Variants in RANBP3 observed in about 807,000 individuals in gnomAD.
RANBP3 encodes ran-binding protein 3.
Under a neutral mutation model 77.3 loss-of-function variants are expected in RANBP3, and 14 were observed. The observed-to-expected ratio is 0.18, with a 90% CI of 0.12 to 0.28. The LOEUF (loss-of-function observed/expected upper bound fraction) is 0.28. Ranked by LOEUF, RANBP3 falls within the 10% of genes least tolerant of loss-of-function variation. The pLI is 1.00. For synonymous variants in RANBP3, 315 were observed against 312.4 expected, an observed-to-expected ratio of 1.01 and a Z score of -0.09; for missense variants, 586 against 752.3, an observed-to-expected ratio of 0.78 and a Z score of 2.59.
intron 14 of RANBP3, among the ~76,000 whole-genome samples, chr19:5,919,049 C>T (rs575826948): frequency 3.7e-4 from 57 of 152,240 alleles, no homozygotes; most frequent in African/African-American, 1.3e-3. Flanking sequence ...AAGGTGCATG[C>T]GCTTTCTGTG....
At position 5,952,090 on chromosome 19, in the gene RANBP3, C is replaced by T. The variant is rs974718720; in HGVS notation, c.79-494G>A. 3.3e-5 allele frequency among the ~76,000 whole-genome samples: 5 copies of T among 151,652 alleles called. No individual in the cohort carries two copies. Among genetic ancestry groups the T allele is most frequent in the South Asian group, 2.1e-4 (1 of 4,826 alleles). ...GCCAGGGTCAAGGGCTTCTGCCTCT[C>T]GCCGGGGTCAAGGGCTTCTGCCTCT... On this transcript the variant is annotated intron_variant, in intron 2 of 16. Transcript: ENST00000340578. The surrounding 1 kb of genome is among the most constrained non-coding windows in gnomAD (Gnocchi z 4.1).
rs1461868837 is a variant in RANBP3, at chr19:5,944,160, A to C, written c.283-2325T>G. ...ATGCTCGTGACCCACACCTGATGAGATCAAACTCCCAACCGATGTAAAATC... is the reference window on the plus strand; with the variant it reads ...ATGCTCGTGACCCACACCTGATGAGCTCAAACTCCCAACCGATGTAAAATC... On this transcript the variant is annotated intron_variant, in intron 3 of 16. Transcript: ENST00000340578. 2.0e-5 allele frequency among the ~76,000 whole-genome samples: 3 copies of C among 152,208 alleles called. No individual in the cohort carries two copies. In the East Asian group the frequency reaches 5.8e-4, roughly 29 times the overall value.
In RANBP3 at chr19:5,928,066, C is replaced by T; in HGVS notation, c.715G>A (p.Glu239Lys). 11 of 1,612,296 alleles carry T rather than the reference C, an allele frequency of 6.8e-6. No homozygotes were observed. The highest frequency in any genetic ancestry group is 9.3e-6 in the Non-Finnish European group (11 of 1,179,488). Residue 239 changes from glutamate (E) to lysine (K), a missense_variant, in exon 9 of 17, where the codon GAG becomes AAG. Glu to Lys is a moderately conservative substitution (Grantham distance 56). This residue lies in a region of RANBP3 where 232 missense variants were observed against 271.7 expected (regional missense o/e 0.85). Transcript: ENST00000340578. Reference sequence around the variant, plus strand: ...TCCTCTTCAGAGGCATTGCTGGACTCATTTTTCTGGGGCTCTTTCTCCTAT... The same window carrying T: ...TCCTCTTCAGAGGCATTGCTGGACTTATTTTTCTGGGGCTCTTTCTCCTAT... The part of the protein sequence containing the change: ...ALEEKEPQKN[E>K]SSNASEEEAC...
intron 1 of RANBP3, among the ~76,000 whole-genome samples, chr19:5,977,471 A>T (rs1196999905): frequency 1.3e-5 from 2 of 151,296 alleles, no homozygotes; most frequent in East Asian, 3.9e-4. Context: ...TGAGGGGGAG[A>T]CGAAGCGCCC....
chr19:5,919,523 T>C (rs2057789775), intron 14 of RANBP3, among the ~76,000 whole-genome samples: 1 of 152,200 alleles, frequency 6.6e-6, no homozygotes, highest in African/African-American at 2.4e-5. Flanking sequence ...GCAGAGGGGA[T>C]GACCTGGGGG....
chr19:5,925,497 T>TGA, intron 10 of RANBP3, 137 bp downstream of exon 10: 1 of 716,548 alleles, frequency 1.4e-6, no homozygotes, highest in Admixed American at 2.3e-5. Flanking sequence ...GAGTGGGGAA[T>TGA]GAGAGAGAGG....
At chr19:5,953,006 T>A (rs921025245) in intron 2 of RANBP3, among the ~76,000 whole-genome samples, 2 of 152,184 alleles carry the variant, frequency 1.3e-5, no homozygotes, top group Non-Finnish European at 2.9e-5. Context: ...TTAGAACCAC[T>A]TGAATTTTTT....
intron 3 of RANBP3, among the ~76,000 whole-genome samples, chr19:5,948,317 T>A (rs1366524928): frequency 6.6e-6 from 1 of 152,048 alleles, no homozygotes; most frequent in Admixed American, 6.6e-5. Context: ...CTGGGCATGG[T>A]GGCGGGCGCC....
chr19:5,923,401 C>T (rs188476565), intron 12 of RANBP3, 98 bp from the exon 13 acceptor site: 23 of 1,238,038 alleles, frequency 1.9e-5, no homozygotes, highest in Non-Finnish European at 2.7e-5. Context: ...GTTCTGGTCT[C>T]AAGGACGCCT....
intron 5 of RANBP3, among the ~76,000 whole-genome samples, chr19:5,937,563 TG>T (rs2058082856): frequency 6.6e-6 from 1 of 152,192 alleles, no homozygotes; most frequent in South Asian, 2.1e-4. Context: ...GAAAGCTAAA[TG>T]GGGTCTTCAG....
rs550792866 is a variant in RANBP3, at chr19:5,919,450, A to G, written c.1331-812T>C. ...GCCGAGTGGGAGAAAGACAGAGGTG[A>G]TTTTGCTCTCCCTGAAGCTGGGGAG... is the stretch of plus-strand genomic sequence containing the variant. On this transcript the variant is annotated intron_variant, in intron 14 of 16. Coordinates refer to ENST00000340578, the MANE Select transcript of RANBP3 (RefSeq NM_007322.3). Among the ~76,000 whole-genome samples, 5 of 152,212 alleles carry G rather than the reference A, an allele frequency of 3.3e-5. No homozygotes were observed. The East Asian group carries it at 5.8e-4, about 18-fold the overall frequency.
intron 9 of RANBP3, among the ~76,000 whole-genome samples, chr19:5,926,222 A>T (rs2057907743): frequency 6.6e-6 from 1 of 152,140 alleles, no homozygotes; most frequent in Non-Finnish European, 1.5e-5. Flanking sequence ...CTGTTTGACC[A>T]ACAAGGAAGC....
intron 1 of RANBP3, among the ~76,000 whole-genome samples, chr19:5,967,296 C>A (rs1277947714): frequency 2.0e-5 from 3 of 152,208 alleles, no homozygotes; most frequent in South Asian, 2.1e-4. Flanking sequence ...CTTTTTGGAG[C>A]TGATGATATC....
chr19:5,951,357 C>G (rs2058271975), intron 3 of RANBP3, 36 bp downstream of exon 3: 1 of 1,535,990 alleles, frequency 6.5e-7, no homozygotes, highest in Admixed American at 2.0e-5. Context: ...TGGGCTCCCC[C>G]TGGGCGGTAG....
intron 5 of RANBP3, among the ~76,000 whole-genome samples, chr19:5,936,526 G>A (rs967606388): frequency 8.5e-5 from 13 of 152,248 alleles, no homozygotes; most frequent in Admixed American, 2.6e-4. Context: ...GAGTCAGTGA[G>A]ATCGCAGTAC....
intron 8 of RANBP3, among the ~76,000 whole-genome samples, chr19:5,930,351 T>A (rs562833411): frequency 7.9e-5 from 12 of 152,188 alleles, no homozygotes; most frequent in Admixed American, 2.6e-4. Context: ...GGATGGAGGG[T>A]ATAAAACTGC....
rs546270872 is a variant in RANBP3, at chr19:5,924,678, G to A, written c.996+149C>T. On this transcript the variant is annotated intron_variant, in intron 11 of 16. Coordinates refer to ENST00000340578, the MANE Select transcript of RANBP3 (RefSeq NM_007322.3). The surrounding 1 kb of genome is among the most constrained non-coding windows in gnomAD (Gnocchi z 4.7). ...CCTGGCCAGTTTTCAGGCTGAGTCT[G>A]AGCAGGGTCTTCCCTCTCTCACTTG... The A allele has an allele frequency of 9.6e-6, 8 of 829,400 alleles. No individual in the cohort carries two copies. Among genetic ancestry groups the A allele is most frequent in the Admixed American group, 3.7e-5 (2 of 53,590 alleles). The allele number at this position is 829,400 out of a possible 1,614,324, so 51.4% of individuals were successfully genotyped here. A position where few individuals can be genotyped will look rare whatever the true frequency, so the allele number is the denominator to read the frequency against.
chr19:5,931,318 T>C (rs2057987155), intron 8 of RANBP3, 86 bp downstream of exon 8: 11 of 1,484,048 alleles, frequency 7.4e-6, no homozygotes, highest in East Asian at 2.4e-5. Context: ...TGACAGCGTG[T>C]GGACTCCACA....
intron 1 of RANBP3, among the ~76,000 whole-genome samples, chr19:5,972,014 AT>A (rs2058536333): frequency 3.9e-5 from 6 of 152,188 alleles, no homozygotes; most frequent in East Asian, 1.9e-4. Flanking sequence ...CAGAAATACA[AT>A]TTTTTTCCCC....
Sources: gnomAD v4.1 joint callset for allele counts (sites outside exome capture counted in the v4.1 genomes callset) on GRCh38, gnomAD v4.1.1 for gene constraint, gnomAD v4.1.1 regional missense constraint, Gnocchi (gnomAD v3.1) non-coding constraint, MANE v1.5 for transcripts, NCBI Gene and HGNC (gene_info 2026-07-23, HGNC 2026-07-21) for gene names.